The following TDRD7 variants were observed in gnomAD, a reference collection of about 807,000 sequenced individuals.
The protein encoded by TDRD7 is tudor domain containing 7, also known as tudor domain-containing protein 7.
A neutral mutation model predicts 109.8 loss-of-function variants in TDRD7; 47 were observed. That is an observed-to-expected ratio of 0.43 (90% CI 0.34 to 0.55). The LOEUF (loss-of-function observed/expected upper bound fraction) is 0.55. Among genes scored for constraint, TDRD7 ranks in the 20% least tolerant of loss-of-function variants. The probability of loss-of-function intolerance (pLI) is 0.03; values close to 1 mark genes in which losing one functional copy is unlikely to be tolerated. For missense variants in TDRD7, 1,164 were observed against 1,319.2 expected, an observed-to-expected ratio of 0.88 and a Z score of 1.82; for synonymous variants, 424 against 457.3, an observed-to-expected ratio of 0.93 and a Z score of 0.93.
rs745659852 is a variant in TDRD7 at position 97,480,868 on chromosome 9, G to C, written c.2342G>C (p.Gly781Ala). The change falls in exon 14 of 17, where the codon GGC becomes GCC. Residue 781 changes from glycine (G) to alanine (A), a missense_variant. By Grantham distance (60) the Gly-to-Ala change is moderately conservative. Transcript: ENST00000355295. ...TTAGCAGATCTTCCACAATCTATTG[G>C]CATGTGGACACCAGATGCAGTGCTG... The part of the protein sequence containing the change: ...CCLADLPQSI[G>A]MWTPDAVLWL... 1.2e-6 allele frequency: 2 copies of C among 1,614,092 alleles called. No individual in the cohort carries two copies. The highest frequency in any genetic ancestry group is 1.7e-6 in the Non-Finnish European group (2 of 1,179,982).
chr9:97,464,264 G>C (rs1238599755), intron 7 of TDRD7, among the ~76,000 whole-genome samples: 1 of 152,086 alleles, frequency 6.6e-6, no homozygotes, highest in Non-Finnish European at 1.5e-5. Flanking sequence ...ATGCCCTCTC[G>C]TTGTCTGGAT....
chr9:97,419,901 A>G (rs927493544), intron 1 of TDRD7, among the ~76,000 whole-genome samples: 8 of 152,170 alleles, frequency 5.3e-5, no homozygotes, highest in South Asian at 4.1e-4. Context: ...GCTTATCTAC[A>G]TCCCGCGATA....
At chr9:97,418,792 C>T (rs1827853178) in intron 1 of TDRD7, among the ~76,000 whole-genome samples, 2 of 152,062 alleles carry the variant, frequency 1.3e-5, no homozygotes, top group Admixed American at 1.3e-4. Flanking sequence ...AACAGGACAC[C>T]CATTAGTAAA....
chr9:97,415,902 A>T (rs563180723), intron 1 of TDRD7, among the ~76,000 whole-genome samples: 2 of 152,372 alleles, frequency 1.3e-5, no homozygotes, highest in East Asian at 3.9e-4. Context: ...AGTTTCAAAA[A>T]AAAGTCATCA....
intron 4 of TDRD7, among the ~76,000 whole-genome samples, chr9:97,438,221 A>G (rs1828237614): frequency 1.3e-5 from 2 of 152,188 alleles, no homozygotes; most frequent in Non-Finnish European, 2.9e-5. Flanking sequence ...TAGAAATAGG[A>G]TGATCTTATA....
At chr9:97,415,172 C>T (rs1827791727) in intron 1 of TDRD7, among the ~76,000 whole-genome samples, 1 of 152,148 alleles carries the variant, frequency 6.6e-6, no homozygotes, top group Non-Finnish European at 1.5e-5. Context: ...AGATTTAGTG[C>T]CACTCGACAA....
chr9:97,483,434 A>T, intron 15 of TDRD7, 83 bp downstream of exon 15: 1 of 1,511,452 alleles, frequency 6.6e-7, no homozygotes. Context: ...TGGCGGGGGG[A>T]CTTCGAACTG....
At chr9:97,426,106 G>A (rs1490060488) in intron 1 of TDRD7, among the ~76,000 whole-genome samples, 1 of 152,184 alleles carries the variant, frequency 6.6e-6, no homozygotes, top group African/African-American at 2.4e-5. Context: ...CATGAATGGA[G>A]CTGGCAGGAC....
intron 6 of TDRD7, among the ~76,000 whole-genome samples, chr9:97,445,477 A>G (rs1828384372): frequency 1.3e-5 from 2 of 152,198 alleles, no homozygotes; most frequent in African/African-American, 4.8e-5. Context: ...TGCTGAGGGA[A>G]TGTCTAAACA....
At chr9:97,436,269 A>G (rs1828195294) in intron 4 of TDRD7, among the ~76,000 whole-genome samples, 1 of 152,148 alleles carries the variant, frequency 6.6e-6, no homozygotes. Flanking sequence ...AATATTGGGC[A>G]TCTGTTTTTT....
chr9:97,479,005 A>G lies in TDRD7; in HGVS notation c.2301+432A>G, dbSNP rs539577916. On this transcript the variant is annotated intron_variant, in intron 13 of 16. Coordinates refer to ENST00000355295, the MANE Select transcript of TDRD7 (RefSeq NM_014290.3). ...CCCCACCATACATTTTAATTAAAAG[A>G]TGAACTTCGGCTGATCCTTTCTTTA... Among the ~76,000 whole-genome samples, 21 of 152,316 alleles carry G rather than the reference A, an allele frequency of 1.4e-4. No homozygotes were observed. The South Asian group carries it at 4.4e-3, about 32-fold the overall frequency.
At chr9:97,444,915 A>G (rs1420693811) in intron 6 of TDRD7, among the ~76,000 whole-genome samples, 2 of 152,318 alleles carry the variant, frequency 1.3e-5, no homozygotes, top group South Asian at 2.1e-4. Flanking sequence ...TCTAATTAGT[A>G]TGCTGTAAGC....
intron 1 of TDRD7, among the ~76,000 whole-genome samples, chr9:97,427,552 C>T (rs748274107): frequency 3.0e-4 from 46 of 152,200 alleles, no homozygotes; most frequent in Non-Finnish European, 4.7e-4. Context: ...AATATATCTG[C>T]ATGGCTGTTC....
rs778872298 is a variant in TDRD7, at chr9:97,412,589, A to C, written c.-7+351A>C. ...GCAGCGGGGTGTGGACGCGGGCGGG[A>C]GATGCGGACCAGGAAGTGGTTCCCG... On this transcript the variant is annotated intron_variant, in intron 1 of 16. Transcript: ENST00000355295. This position sits in a 1 kb window ranked among gnomAD's most constrained non-coding sequence, Gnocchi z 4.3. Among the ~76,000 whole-genome samples the C allele has an allele frequency of 6.6e-6, 1 of 152,162 alleles. No homozygotes were observed. Among genetic ancestry groups the C allele is most frequent in the Non-Finnish European group, 1.5e-5 (1 of 68,018 alleles).
At chr9:97,476,406 T>G (rs1050817590) in intron 12 of TDRD7, among the ~76,000 whole-genome samples, 3 of 152,084 alleles carry the variant, frequency 2.0e-5, no homozygotes, top group Non-Finnish European at 2.9e-5. Context: ...TTTTGGATTT[T>G]TGTGATTGCT....
chr9:97,444,538 C>G (rs1828366791), intron 6 of TDRD7, among the ~76,000 whole-genome samples: 1 of 152,182 alleles, frequency 6.6e-6, no homozygotes, highest in African/African-American at 2.4e-5. Flanking sequence ...ACACTGATAC[C>G]ATGCCTAGGA....
intron 7 of TDRD7, among the ~76,000 whole-genome samples, chr9:97,463,759 T>A (rs1461234359): frequency 1.3e-5 from 2 of 152,188 alleles, no homozygotes; most frequent in Admixed American, 1.3e-4. Flanking sequence ...CCTGTTTTGA[T>A]AACATGAACT....
intron 7 of TDRD7, among the ~76,000 whole-genome samples, chr9:97,463,262 A>G (rs139435511): frequency 2.1e-4 from 32 of 152,254 alleles, no homozygotes; most frequent in Non-Finnish European, 3.8e-4. Context: ...AAATTAAACT[A>G]TAAGAGTATG....
chr9:97,474,262 A>G (rs965910053), intron 11 of TDRD7, among the ~76,000 whole-genome samples: 1 of 152,242 alleles, frequency 6.6e-6, no homozygotes, highest in Admixed American at 6.5e-5. Context: ...TTAGGACATT[A>G]TGGTCATATT....
Sources: gnomAD v4.1 joint callset for allele counts (sites outside exome capture counted in the v4.1 genomes callset) on GRCh38, gnomAD v4.1.1 for gene constraint, Gnocchi (gnomAD v3.1) non-coding constraint, MANE v1.5 for transcripts, NCBI Gene and HGNC (gene_info 2026-07-23, HGNC 2026-07-21) for gene names.